EYS: variants seen among roughly 807,000 people sequenced by gnomAD.
EYS encodes protein eyes shut homolog.
In EYS, 250 loss-of-function variants were observed where a neutral mutation model predicts 282.1. That is an observed-to-expected ratio of 0.89 (90% CI 0.80 to 0.98). EYS has a LOEUF of 0.98. Among genes scored for constraint, EYS ranks in the 50% least tolerant of loss-of-function variants. The pLI, the probability that EYS is intolerant of heterozygous loss-of-function variation, is 0.00. For synonymous variants in EYS, 1,355 were observed against 1,282.9 expected, an observed-to-expected ratio of 1.06 and a Z score of -1.20; for missense variants, 4,016 against 3,709.0, an observed-to-expected ratio of 1.08 and a Z score of -2.15.
chr6:65,677,537 T>C (rs1196428738), intron 1 of EYS, among the ~76,000 whole-genome samples: 1 of 151,866 alleles, frequency 6.6e-6, no homozygotes, highest in East Asian at 1.9e-4. Context: ...TATAAAACAT[T>C]GATGAAAGAA....
chr6:65,602,090 G>A (rs1765634789), intron 2 of EYS, among the ~76,000 whole-genome samples: 1 of 151,792 alleles, frequency 6.6e-6, no homozygotes, highest in Non-Finnish European at 1.5e-5. Context: ...AAATTGAATG[G>A]ATATTTTTAA....
chr6:63,745,075 A>G, intron 41 of EYS: 3 of 403,290 alleles, frequency 7.4e-6, no homozygotes, highest in South Asian at 3.6e-5. Flanking sequence ...AGAAAATAGA[A>G]GCTAAATAGA....
At chr6:64,124,559 G>A (rs773598953) in intron 31 of EYS, among the ~76,000 whole-genome samples, 70 of 152,134 alleles carry the variant, frequency 4.6e-4, no homozygotes, top group Non-Finnish European at 9.1e-4. Context: ...GCAGTTCAGT[G>A]GAAGACAAAT....
At chr6:65,150,061 G>A (rs138897808) in intron 12 of EYS, among the ~76,000 whole-genome samples, 14 of 152,014 alleles carry the variant, frequency 9.2e-5, no homozygotes, top group East Asian at 2.0e-4. Flanking sequence ...TGGGGGAACC[G>A]CCACCATGAT....
At chr6:64,420,718 T>G (rs1774204266) in intron 28 of EYS, among the ~76,000 whole-genome samples, 1 of 152,182 alleles carries the variant, frequency 6.6e-6, no homozygotes, top group African/African-American at 2.4e-5. Flanking sequence ...TCTCTCATGT[T>G]TAAAGTTCCA....
At position 65,085,946 on chromosome 6, in the gene EYS, T is replaced by TA. The variant is rs4032995; in HGVS notation, c.2024-28220dup. Among the ~76,000 whole-genome samples, 129 of 151,306 alleles carry TA rather than the reference T, an allele frequency of 8.5e-4. 2 individuals are homozygous for TA. Among genetic ancestry groups the TA allele is most frequent in the Admixed American group, 6.1e-3 (93 of 15,220 alleles). ...TTTCTCTCCCTTCCCTTCCCAAAAT[T>TA]AATCTCTCCCTTCTCTACGTCTATA... On this transcript the variant is annotated intron_variant, in intron 12 of 42. Transcript: ENST00000503581.
At chr6:65,009,664 G>A (rs535770819) in intron 13 of EYS, among the ~76,000 whole-genome samples, 62 of 152,206 alleles carry the variant, frequency 4.1e-4, no homozygotes, top group African/African-American at 1.5e-3. Flanking sequence ...CTTGTCCTTT[G>A]GTACATGGAT....
intron 19 of EYS, among the ~76,000 whole-genome samples, chr6:64,823,460 G>A (rs561416803): frequency 2.0e-5 from 3 of 151,710 alleles, no homozygotes; most frequent in Non-Finnish European, 4.4e-5. Flanking sequence ...CATAAGCAGA[G>A]CTTAATGGAA....
At chr6:65,237,883 C>T (rs1011914588) in intron 12 of EYS, among the ~76,000 whole-genome samples, 1 of 152,004 alleles carries the variant, frequency 6.6e-6, no homozygotes, top group Non-Finnish European at 1.5e-5. Flanking sequence ...GAACATTTAA[C>T]TGATTACAGT....
intron 19 of EYS, among the ~76,000 whole-genome samples, chr6:64,829,964 C>G (rs965422032): frequency 6.6e-6 from 1 of 151,850 alleles, no homozygotes; most frequent in Non-Finnish European, 1.5e-5. Context: ...GTTGTAGGCT[C>G]TTTGTGCTAA....
chr6:63,763,437 T>C (rs1769700270), intron 40 of EYS, among the ~76,000 whole-genome samples: 1 of 152,032 alleles, frequency 6.6e-6, no homozygotes, highest in Admixed American at 6.6e-5. Flanking sequence ...TGTCCTGATA[T>C]GGTTTGGCTG....
chr6:64,527,182 T>A (rs1252235475), intron 26 of EYS, among the ~76,000 whole-genome samples: 2 of 151,810 alleles, frequency 1.3e-5, no homozygotes, highest in Admixed American at 1.3e-4. Flanking sequence ...ATTTCCACAG[T>A]CAACAAATGT....
intron 35 of EYS, among the ~76,000 whole-genome samples, chr6:63,865,843 T>C (rs995784234): frequency 2.6e-5 from 4 of 152,232 alleles, no homozygotes; most frequent in Non-Finnish European, 5.9e-5. Context: ...TTCTCCATGA[T>C]AATGTTGTGA....
chr6:63,888,817 G>C (rs1306095455), intron 35 of EYS, among the ~76,000 whole-genome samples: 1 of 152,214 alleles, frequency 6.6e-6, no homozygotes, highest in African/African-American at 2.4e-5. Context: ...GTAGGCTTCA[G>C]AAGGTGGGTA....
At chr6:64,661,746 A>G (rs947089092) in intron 22 of EYS, among the ~76,000 whole-genome samples, 1 of 139,182 alleles carries the variant, frequency 7.2e-6, no homozygotes, top group African/African-American at 2.8e-5. Context: ...GGTGCTGGAG[A>G]GGATATGGAG....
At chr6:65,369,116 C>A (rs1257124763) in intron 8 of EYS, among the ~76,000 whole-genome samples, 3 of 150,326 alleles carry the variant, frequency 2.0e-5, no homozygotes, top group Non-Finnish European at 4.4e-5. Context: ...AATTTTTCAC[C>A]TACATGACTA....
At chr6:63,863,675 C>CTTTTCTTTTCTTT (rs1772597256) in intron 36 of EYS, among the ~76,000 whole-genome samples, 2 of 60,042 alleles carry the variant, frequency 3.3e-5, no homozygotes, top group African/African-American at 1.1e-4. Context: ...TTTCTTTTTT[C>CTTTTCTTTTCTTT]TTTTTTTTTT....
chr6:65,006,527 A>G (rs1017684641), intron 13 of EYS, among the ~76,000 whole-genome samples: 2 of 80,732 alleles, frequency 2.5e-5, no homozygotes, highest in East Asian at 4.1e-4. Flanking sequence ...AAAAAAAGCA[A>G]AAAGGTAGCT....
At chr6:64,659,215 C>A (rs1562117869) in intron 22 of EYS, among the ~76,000 whole-genome samples, 2 of 152,064 alleles carry the variant, frequency 1.3e-5, no homozygotes, top group African/African-American at 4.8e-5. Flanking sequence ...ATTCCAGAAT[C>A]TCTGGGACAC....
Sources: gnomAD v4.1 joint callset for allele counts (sites outside exome capture counted in the v4.1 genomes callset) on GRCh38, gnomAD v4.1.1 for gene constraint, MANE v1.5 for transcripts, NCBI Gene and HGNC (gene_info 2026-07-23, HGNC 2026-07-21) for gene names.